Variants in ZNF480 observed in about 807,000 individuals in gnomAD.
The protein encoded by ZNF480 is zinc finger protein 480.
ZNF480 carries 15 observed loss-of-function variants against 14.4 expected under a neutral mutation model. That is an observed-to-expected ratio of 1.04 (90% confidence interval 0.70 to 1.60). ZNF480 has a LOEUF of 1.60. Among genes scored for constraint, ZNF480 ranks in the 40% most tolerant of loss-of-function variants. The pLI, the probability that ZNF480 is intolerant of heterozygous loss-of-function variation, is 0.00. For synonymous variants in ZNF480, 218 were observed against 215.5 expected (o/e 1.01, Z -0.10); for missense variants, 593 against 629.7 (o/e 0.94, Z 0.62).
Position 52,314,137 on chromosome 19 carries a change from G to A in ZNF480, c.73-16G>A, listed in dbSNP as rs767585625. Reference sequence around the variant, plus strand: ...CCTTTACATATCCTGTTGGTGAAATGTGGTTTTCATTTTAGGGACACTTAA... The same window carrying A: ...CCTTTACATATCCTGTTGGTGAAATATGGTTTTCATTTTAGGGACACTTAA... On this transcript the variant is annotated splice_polypyrimidine_tract_variant and intron_variant, in intron 2 of 4. Transcript: ENST00000595962. The A allele has an allele frequency of 1.7e-5, 26 of 1,550,724 alleles. No homozygotes were observed. The highest frequency in any genetic ancestry group is 1.8e-4 in the Middle Eastern group (1 of 5,710).
At chr19:52,301,249 C>T (rs1460479166) in intron 2 of ZNF480, 2 of 152,300 alleles carry the variant, frequency 1.3e-5, no homozygotes, top group South Asian at 2.1e-4. Context: ...AATCAGGGAG[C>T]CTCCAATTGT....
At chr19:52,318,526 A>G (rs191010298) in intron 4 of ZNF480, among the ~76,000 whole-genome samples, 3 of 152,138 alleles carry the variant, frequency 2.0e-5, no homozygotes, top group South Asian at 2.1e-4. Flanking sequence ...ATAGTTCTCA[A>G]TTTTGTCATA....
rs60910720 is a variant in ZNF480, at chr19:52,310,844, C to CA, written c.73-3298dup. 7.8e-3 allele frequency among the ~76,000 whole-genome samples: 1,103 copies of CA among 142,272 alleles called. 6 individuals are homozygous for CA. The highest frequency in any genetic ancestry group is 0.012 in the Non-Finnish European group (783 of 64,916). The allele number at this position is 142,272 out of a possible 152,430, so 93.3% of individuals were successfully genotyped here. ...TGAAACCCTGTCTCTACTAAAAATA[C>CA]AAAAAAAAAAATTAGCCGGGCATGG... On this transcript the variant is annotated intron_variant, in intron 2 of 4. Coordinates refer to ENST00000595962, the MANE Select transcript of ZNF480 (RefSeq NM_144684.4).
chr19:52,314,196 C>A lies in ZNF480; in HGVS notation c.116C>A (p.Ala39Glu), dbSNP rs201346974. The change falls in exon 3 of 5, where the codon GCG becomes GAG. Residue 39 changes from alanine to glutamate, a missense_variant. Coordinates refer to ENST00000595962, the MANE Select transcript of ZNF480 (RefSeq NM_144684.4). ...FRDVAIEFSQ[A>E]EWKCLDPAQR... is the part of the protein sequence containing the mutation. ...GACGTGGCCATAGAATTCTCTCAGG[C>A]GGAGTGGAAATGCCTGGACCCTGCA... The A allele has an allele frequency of 3.2e-6, 5 of 1,582,176 alleles. No individual in the cohort carries two copies. The highest frequency in any genetic ancestry group is 4.6e-5 in the East Asian group (2 of 43,116).
At chr19:52,313,254 A>G (rs1600218101) in intron 2 of ZNF480, among the ~76,000 whole-genome samples, 1 of 149,926 alleles carries the variant, frequency 6.7e-6, no homozygotes, top group East Asian at 2.0e-4. Context: ...CTTCTGCCTC[A>G]GCCTCCTGAG....
At chr19:52,314,104 A>T (rs1464833469) in intron 2 of ZNF480, 49 bp from the exon 3 acceptor site, 5 of 1,516,878 alleles carry the variant, frequency 3.3e-6, no homozygotes, top group Non-Finnish European at 4.5e-6. Flanking sequence ...TTGAGTGAAG[A>T]TTAATACCCT....
Position 52,321,782 on chromosome 19 carries a change from A to T in ZNF480, c.532A>T (p.Ile178Phe). Residue 178 changes from isoleucine to phenylalanine, a missense_variant, in exon 5 of 5, where the codon ATT (isoleucine) becomes TTT (phenylalanine). Physicochemically the swap from Ile to Phe is conservative, Grantham distance 21 (BLOSUM62 0). Coordinates refer to ENST00000595962, the MANE Select transcript of ZNF480 (RefSeq NM_144684.4). ...AATGTCTTCCAGTGTCAAAACCCCC[A>T]TTTTTAATAGGAATGATTTTGATGA... The part of the protein sequence containing the change: ...QEMSSSVKTP[I>F]FNRNDFDDSS... The T allele has an allele frequency of 1.2e-6, 2 of 1,613,514 alleles. No homozygotes were observed. The highest frequency in any genetic ancestry group is 1.7e-6 in the Non-Finnish European group (2 of 1,179,692).
rs749496831 is a variant in ZNF480 at position 52,314,256 on chromosome 19, A to G, written c.176A>G (p.Asn59Ser). Residue 59 changes from asparagine (N) to serine (S), a missense_variant, in exon 3 of 5, where the codon AAC becomes AGC. By Grantham distance (46) the Asn-to-Ser change is conservative. Coordinates refer to ENST00000595962, the MANE Select transcript of ZNF480 (RefSeq NM_144684.4). ...TTATACAAGGATGTGATGTTGGAGA[A>G]CTACAGGAACCTGGTCTCCCTGGGT... The part of the protein sequence containing the change: ...RALYKDVMLE[N>S]YRNLVSLGIS... The G allele has an allele frequency of 1.1e-5, 18 of 1,571,132 alleles. No homozygotes were observed. The highest frequency in any genetic ancestry group is 1.6e-5 in the Non-Finnish European group (18 of 1,153,212).
chr19:52,300,309 T>C, intron 1 of ZNF480, 85 bp from the exon 2 acceptor site: 1 of 1,408,238 alleles, frequency 7.1e-7, no homozygotes, highest in Non-Finnish European at 9.8e-7. Context: ...TTCCGCAGGG[T>C]GAGGTCTAAC....
chr19:52,324,906 GCAA>G lies in ZNF480; in HGVS notation c.*2052_*2054del, dbSNP rs937699430. 4 of 152,128 alleles carry G rather than the reference GCAA, an allele frequency of 2.6e-5. No individual in the cohort carries two copies. The highest frequency in any genetic ancestry group is 9.7e-5 in the African/African-American group (4 of 41,432). The allele number at this position is 152,128 out of a possible 1,614,324, so 9.4% of individuals were successfully genotyped here. On this transcript the variant is annotated 3_prime_UTR_variant, in exon 5 of 5. Coordinates refer to ENST00000595962, the MANE Select transcript of ZNF480 (RefSeq NM_144684.4). The stretch of plus-strand genomic sequence containing the variant: ...TAATGATGAACACCCCAAAGCAATT[GCAA>G]CAAAAACAAAAATTGACAAGTGGGA...
chr19:52,319,830 T>G (rs995774995), intron 4 of ZNF480, among the ~76,000 whole-genome samples: 11 of 150,710 alleles, frequency 7.3e-5, no homozygotes, highest in Non-Finnish European at 1.5e-4. Context: ...TTTTTTTTTT[T>G]TTTTTAAATT....
chr19:52,321,141 A>G (rs1983790077), intron 4 of ZNF480, among the ~76,000 whole-genome samples: 1 of 152,006 alleles, frequency 6.6e-6, no homozygotes, highest in Admixed American at 6.6e-5. Context: ...GTTGTTTTGT[A>G]TAAGACTTGG....
At chr19:52,299,192 G>A (rs150902252) in intron 1 of ZNF480, among the ~76,000 whole-genome samples, 16 of 152,290 alleles carry the variant, frequency 1.1e-4, no homozygotes, top group African/African-American at 3.6e-4. Context: ...GGGTGTGGGC[G>A]AGTGTAAAAG....
At chr19:52,300,583 G>C (rs1982642075) in intron 2 of ZNF480, 99 bp downstream of exon 2, 1 of 1,584,606 alleles carries the variant, frequency 6.3e-7, no homozygotes, top group Non-Finnish European at 8.6e-7. Context: ...TGTCCTGCCT[G>C]ACAGGTTTGC....
At position 52,324,671 on chromosome 19, in the gene ZNF480, C is replaced by G. The variant is rs1381390758; in HGVS notation, c.*1813C>G. On this transcript the variant is annotated 3_prime_UTR_variant, in exon 5 of 5. Transcript: ENST00000595962. The stretch of plus-strand genomic sequence containing the variant: ...ACCATGTGATCCTCAACAAAACTGA[C>G]AAGCAATGAAGTAAGAACTTCATTC... 6.6e-6 allele frequency: 1 copy of G among 152,014 alleles called. No homozygotes were observed. The highest frequency in any genetic ancestry group is 1.9e-4 in the East Asian group (1 of 5,190). The allele number at this position is 152,014 out of a possible 1,614,324, so 9.4% of individuals were successfully genotyped here.
At chr19:52,312,972 C>CAGT (rs1983361310) in intron 2 of ZNF480, among the ~76,000 whole-genome samples, 2 of 152,020 alleles carry the variant, frequency 1.3e-5, no homozygotes, top group African/African-American at 2.4e-5. Context: ...AGGCACCCAC[C>CAGT]AGTACCCCCA....
At chr19:52,318,065 T>C (rs1983639912) in intron 4 of ZNF480, among the ~76,000 whole-genome samples, 1 of 151,556 alleles carries the variant, frequency 6.6e-6, no homozygotes, top group South Asian at 2.1e-4. Context: ...TTGTTTTGCT[T>C]TGTAGGACTT....
intron 2 of ZNF480, among the ~76,000 whole-genome samples, chr19:52,309,160 T>G (rs1983147259): frequency 6.6e-6 from 1 of 152,240 alleles, no homozygotes; most frequent in African/African-American, 2.4e-5. Flanking sequence ...TTTACTCCTT[T>G]ACAACTTCAT....
At chr19:52,302,065 C>T (rs998513611) in intron 2 of ZNF480, 2 of 226,322 alleles carry the variant, frequency 8.8e-6, no homozygotes, top group South Asian at 1.3e-4. Context: ...ATCTCTTCCT[C>T]AGCATCTGGC....
Sources: allele counts gnomAD v4.1 joint callset (sites outside exome capture counted in the v4.1 genomes callset), GRCh38; gene constraint gnomAD v4.1.1; transcripts MANE v1.5; gene names NCBI Gene and HGNC (gene_info 2026-07-23, HGNC 2026-07-21).